ZNF616: variants seen among roughly 807,000 people sequenced by gnomAD.
ZNF616 encodes the protein zinc finger protein 616.
Under a neutral mutation model 7.6 loss-of-function variants are expected in ZNF616, and 5 were observed. The ratio of observed to expected loss-of-function variants is 0.66; its 90% CI spans 0.34 to 1.38. ZNF616 has a LOEUF of 1.38. Among genes scored for constraint, ZNF616 ranks in the 40% most tolerant of loss-of-function variants. ZNF616 has a pLI of 0.04. For synonymous variants in ZNF616, 319 were observed against 317.2 expected (o/e 1.01, Z -0.06); for missense variants, 913 against 948.3 (o/e 0.96, Z 0.49).
At chr19:52,126,326 G>C (rs1252304841) in intron 2 of ZNF616, among the ~76,000 whole-genome samples, 1 of 152,112 alleles carries the variant, frequency 6.6e-6, no homozygotes, top group Admixed American at 6.5e-5. Context: ...GCAGGAATTC[G>C]AGACCAGCCT....
Position 52,116,683 on chromosome 19 carries a change from A to C in ZNF616, c.481T>G (p.Tyr161Asp), listed in dbSNP as rs2088827587. Residue 161 changes from tyrosine (Y) to aspartate (D), a missense_variant, in exon 4 of 4, where the codon TAT becomes GAT. Physicochemically the swap from Tyr to Asp is radical, Grantham distance 160. Coordinates refer to ENST00000600228, the MANE Select transcript of ZNF616 (RefSeq NM_178523.5). Reference protein sequence around the residue: ...LQKVQTEGRLYECNETEKTGN... With the variant: ...LQKVQTEGRLDECNETEKTGN... ...GTCTTCTCCGTTTCATTACATTCAT[A>C]AAGTCTCCCTTCAGTTTGAACTTTC... The C allele has an allele frequency of 1.2e-6, 2 of 1,614,154 alleles. No homozygotes were observed. Among genetic ancestry groups the C allele is most frequent in the African/African-American group, 2.7e-5 (2 of 75,056 alleles).
intron 2 of ZNF616, among the ~76,000 whole-genome samples, chr19:52,128,399 T>A (rs927786018): frequency 6.6e-6 from 1 of 152,156 alleles, no homozygotes; most frequent in African/African-American, 2.4e-5. Flanking sequence ...GTTAAATTTT[T>A]AAAATATATA....
rs2088811221 is a variant in ZNF616, at chr19:52,115,495, C to A, written c.1669G>T (p.Val557Phe). The change falls in exon 4 of 4, where the codon GTC becomes TTC. Residue 557 changes from valine (V) to phenylalanine (F), a missense_variant. By Grantham distance (50) the Val-to-Phe change is conservative. Transcript: ENST00000600228. ...GTAAGACGTGAACATTGACTGAAGA[C>A]CTTGCCACATTCTTTGCATTTGTAA... ...KPYKCKECGK[V>F]FSQCSRLTVH... 9 of 1,614,024 alleles carry A rather than the reference C, an allele frequency of 5.6e-6. No homozygotes were observed. Among genetic ancestry groups the A allele is most frequent in the Non-Finnish European group, 7.6e-6 (9 of 1,180,030 alleles).
intron 1 of ZNF616, among the ~76,000 whole-genome samples, chr19:52,136,620 C>T (rs2064614366): frequency 6.6e-6 from 1 of 152,116 alleles, no homozygotes; most frequent in South Asian, 2.1e-4. Context: ...AAAATGAGCC[C>T]TTGTACACTG....
intron 2 of ZNF616, among the ~76,000 whole-genome samples, chr19:52,127,095 C>A (rs1320694032): frequency 6.6e-6 from 1 of 151,794 alleles, no homozygotes; most frequent in Non-Finnish European, 1.5e-5. Context: ...CTCACTGTCA[C>A]CCAGGCAGGA....
At chr19:52,132,950 C>A (rs1039476598) in intron 1 of ZNF616, among the ~76,000 whole-genome samples, 1 of 151,996 alleles carries the variant, frequency 6.6e-6, no homozygotes, top group Non-Finnish European at 1.5e-5. Flanking sequence ...ATTCGAAGTC[C>A]GGACACAGCA....
At chr19:52,121,414 T>C (rs1600123347) in intron 3 of ZNF616, among the ~76,000 whole-genome samples, 1 of 152,134 alleles carries the variant, frequency 6.6e-6, no homozygotes, top group Non-Finnish European at 1.5e-5. Context: ...AACATATTCC[T>C]AAACAGCCAA....
intron 2 of ZNF616, among the ~76,000 whole-genome samples, chr19:52,128,202 A>C (rs994884699): frequency 4.6e-5 from 7 of 151,980 alleles, no homozygotes; most frequent in Admixed American, 1.3e-4. Flanking sequence ...AAAAAAAAAA[A>C]AACTTACTAC....
At chr19:52,128,795 A>T (rs189304810) in intron 2 of ZNF616, among the ~76,000 whole-genome samples, 2 of 151,490 alleles carry the variant, frequency 1.3e-5, no homozygotes, top group Non-Finnish European at 2.9e-5. Flanking sequence ...TTGTTTGCTG[A>T]TAAATTACAT....
In ZNF616 at chr19:52,115,190, G is replaced by T. The variant is rs116729342; in HGVS notation, c.1974C>A (p.Asp658Glu). The T allele has an allele frequency of 6.2e-7, 1 of 1,614,114 alleles. No homozygotes were observed. Among genetic ancestry groups the T allele is most frequent in the Non-Finnish European group, 8.5e-7 (1 of 1,180,014 alleles). The change falls in exon 4 of 4, where the codon GAC (aspartate) becomes GAA (glutamate). Residue 658 changes from aspartate (D) to glutamate (E), a missense_variant. Coordinates refer to ENST00000600228, the MANE Select transcript of ZNF616 (RefSeq NM_178523.5). ...CACACTCATTACATTTGTAAGGTCT[G>T]TCTCCAGTATGAACAGTCTGATGAA... Reference protein sequence around the residue: ...LRLHQTVHTGDRPYKCNECGK... With the variant: ...LRLHQTVHTGERPYKCNECGK...
intron 2 of ZNF616, among the ~76,000 whole-genome samples, chr19:52,126,848 C>A (rs1434198929): frequency 2.0e-5 from 3 of 151,952 alleles, no homozygotes; most frequent in East Asian, 3.9e-4. Context: ...CATCAAGCAC[C>A]AAGAACATAT....
At chr19:52,127,955 C>T (rs1187654614) in intron 2 of ZNF616, among the ~76,000 whole-genome samples, 1 of 152,196 alleles carries the variant, frequency 6.6e-6, no homozygotes, top group Non-Finnish European at 1.5e-5. Context: ...CTCACTGACT[C>T]TTGCCACAGA....
intron 2 of ZNF616, among the ~76,000 whole-genome samples, chr19:52,128,207 T>G (rs1459831010): frequency 6.6e-6 from 1 of 151,508 alleles, no homozygotes; most frequent in Non-Finnish European, 1.5e-5. Context: ...AAAAAAAACT[T>G]ACTACTATGT....
chr19:52,117,016 G>A lies in ZNF616; in HGVS notation c.148C>T (p.Pro50Ser), dbSNP rs35582075. 0.11 allele frequency: 166,855 copies of A among 1,561,806 alleles called. 9,567 individuals carry two copies. Among genetic ancestry groups the A allele is most frequent in the Admixed American group, 0.14 (6,648 of 47,212 alleles). Residue 50 changes from proline to serine, a missense_variant, in exon 4 of 4, where the codon CCT becomes TCT. By Grantham distance (74) the Pro-to-Ser change is moderately conservative. Transcript: ENST00000600228. ...YRNLVFLGIS[P>S]KCVIKELPPT... ...GGTAATTCCTTGATCACACATTTAG[G>A]AGAGATACCTGCAAAATATAATGAA...
chr19:52,128,474 GGCTCATGCCT>G, intron 2 of ZNF616, among the ~76,000 whole-genome samples: 1 of 152,254 alleles, frequency 6.6e-6, no homozygotes. Flanking sequence ...TGGGCACGGT[GGCTCATGCCT>G]GTAATCCCAG....
chr19:52,124,249 A>G (rs1171281587), intron 2 of ZNF616, among the ~76,000 whole-genome samples, 200 bp from the exon 3 acceptor site: 1 of 152,248 alleles, frequency 6.6e-6, no homozygotes, highest in Non-Finnish European at 1.5e-5. Context: ...ATCAGTGTAT[A>G]GTTCTATTTT....
rs975388965 is a variant in ZNF616 at position 52,116,800 on chromosome 19, T to C, written c.364A>G (p.Lys122Glu). 6.8e-6 allele frequency: 11 copies of C among 1,613,936 alleles called. No homozygotes were observed. The Admixed American group carries it at 8.3e-5, about 12-fold the overall frequency. The part of the protein sequence containing the change: ...PVPHENNLTG[K>E]RDQHSQGDVE... ...TCCCCTTGACTATGTTGATCTCTTT[T>C]ACCAGTAAGATTGTTTTCATGGGGC... Residue 122 changes from lysine to glutamate, a missense_variant, in exon 4 of 4, where the codon AAA (lysine) becomes GAA (glutamate). Coordinates refer to ENST00000600228, the MANE Select transcript of ZNF616 (RefSeq NM_178523.5).
chr19:52,121,461 T>C (rs766878560), intron 3 of ZNF616, among the ~76,000 whole-genome samples: 1 of 152,090 alleles, frequency 6.6e-6, no homozygotes, highest in Non-Finnish European at 1.5e-5. Context: ...AATGATAAAA[T>C]ATCTCAAAAC....
chr19:52,136,427 C>G (rs1037203202), intron 1 of ZNF616, among the ~76,000 whole-genome samples: 1 of 151,488 alleles, frequency 6.6e-6, no homozygotes, highest in Non-Finnish European at 1.5e-5. Context: ...CCAGCCTGGG[C>G]AACAAGAGTG....
Sources: allele counts gnomAD v4.1 joint callset (sites outside exome capture counted in the v4.1 genomes callset), GRCh38; gene constraint gnomAD v4.1.1; transcripts MANE v1.5; gene names NCBI Gene and HGNC (gene_info 2026-07-23, HGNC 2026-07-21).